The following GRIA3 variants were observed in gnomAD, a reference collection of about 807,000 sequenced individuals.
The protein encoded by GRIA3 is glutamate ionotropic receptor AMPA type subunit 3.
A neutral mutation model predicts 63.0 loss-of-function variants in GRIA3; 3 were observed. The observed-to-expected ratio is 0.05, with a 90% CI of 0.02 to 0.12. The LOEUF is 0.12. Ranked by LOEUF, GRIA3 falls within the 10% of genes least tolerant of loss-of-function variation. GRIA3 has a pLI of 1.00. For missense variants in GRIA3, 347 were observed against 700.9 expected (o/e 0.50, Z 5.70); for synonymous variants, 274 against 257.9 (o/e 1.06, Z -0.60).
chrX:123,459,630 T>C (rs928561481), intron 12 of GRIA3, among the ~76,000 whole-genome samples: 1 of 111,483 alleles, frequency 9.0e-6, no homozygotes, highest in Non-Finnish European at 1.9e-5. Flanking sequence ...TTTATAACCA[T>C]TGTTTGTTCC....
chrX:123,396,771 T>A (rs1230275108), intron 6 of GRIA3, among the ~76,000 whole-genome samples: 1 of 112,304 alleles, frequency 8.9e-6, no homozygotes, highest in Non-Finnish European at 1.9e-5. Context: ...GATAAAAATA[T>A]CAAAAGCATA....
intron 2 of GRIA3, among the ~76,000 whole-genome samples, chrX:123,217,925 A>G (rs1220441174): frequency 8.9e-6 from 1 of 112,643 alleles, no homozygotes; most frequent in Non-Finnish European, 1.9e-5. Flanking sequence ...CCCCAAGATA[A>G]AAGAGCTTCA....
At chrX:123,453,187 T>G (rs1022243567) in intron 12 of GRIA3, among the ~76,000 whole-genome samples, 1 of 111,848 alleles carries the variant, frequency 8.9e-6, no homozygotes, top group African/African-American at 3.3e-5. Flanking sequence ...GTGGCACATA[T>G]ACACCATGGA....
intron 2 of GRIA3, among the ~76,000 whole-genome samples, chrX:123,218,775 A>T (rs1413697676): frequency 1.8e-5 from 2 of 110,477 alleles, no homozygotes; most frequent in Non-Finnish European, 3.8e-5. Flanking sequence ...TATCATTGGG[A>T]CCCATTTTTT....
At chrX:123,210,800 T>G (rs1928023494) in intron 2 of GRIA3, among the ~76,000 whole-genome samples, 1 of 112,079 alleles carries the variant, frequency 8.9e-6, no homozygotes, top group African/African-American at 3.2e-5. Context: ...CTTTTCTTCT[T>G]TATCTAAGAC....
At chrX:123,277,508 C>T (rs756962692) in intron 3 of GRIA3, among the ~76,000 whole-genome samples, 25 of 111,083 alleles carry the variant, frequency 2.3e-4, no homozygotes, top group Non-Finnish European at 5.7e-5. Context: ...GTAGGAAGGA[C>T]ACAATGGATT....
chrX:123,403,828 G>A (rs919235156), intron 9 of GRIA3, among the ~76,000 whole-genome samples: 1 of 111,399 alleles, frequency 9.0e-6, no homozygotes, highest in Non-Finnish European at 1.9e-5. Context: ...CTTCATTGTG[G>A]GGGAAGCAGC....
chrX:123,471,990 CATAT>C lies in GRIA3; in HGVS notation c.2324+6907_2324+6910del, dbSNP rs760824587. ...AATATATACCTAAGGCAATGGCATT[CATAT>C]ATATATATATATATATATATATATA... On this transcript the variant is annotated intron_variant, in intron 13 of 15. Coordinates refer to ENST00000620443, the MANE Select transcript of GRIA3 (RefSeq NM_007325.5). 3.1e-3 allele frequency among the ~76,000 whole-genome samples: 41 copies of C among 13,413 alleles called. 3 individuals carry two copies. The highest frequency in any genetic ancestry group is 0.012 in the South Asian group (1 of 86). The allele number at this position is 13,413 out of a possible 115,157, so 11.6% of individuals were successfully genotyped here.
intron 2 of GRIA3, among the ~76,000 whole-genome samples, chrX:123,191,348 A>C (rs1927429644): frequency 8.9e-6 from 1 of 111,883 alleles, no homozygotes; most frequent in Non-Finnish European, 1.9e-5. Context: ...CTTCAGCAGC[A>C]CTGTGGGAGT....
At chrX:123,471,812 C>T (rs1396629874) in intron 13 of GRIA3, among the ~76,000 whole-genome samples, 1 of 105,305 alleles carries the variant, frequency 9.5e-6, no homozygotes, top group Non-Finnish European at 2.0e-5. Context: ...AATTGAATTC[C>T]ATTCTCTTTT....
chrX:123,441,569 A>C (rs910152292), intron 12 of GRIA3, among the ~76,000 whole-genome samples: 5 of 111,068 alleles, frequency 4.5e-5, no homozygotes, highest in African/African-American at 1.6e-4. Context: ...GAGCTTCGGG[A>C]ATCAATGTTG....
intron 3 of GRIA3, among the ~76,000 whole-genome samples, chrX:123,307,295 A>T (rs911968072): frequency 5.4e-5 from 6 of 112,018 alleles, no homozygotes; most frequent in African/African-American, 1.9e-4. Context: ...GCACAGCTCC[A>T]TAACACTTGC....
chrX:123,324,300 A>G (rs949570644), intron 3 of GRIA3, among the ~76,000 whole-genome samples: 1 of 112,092 alleles, frequency 8.9e-6, no homozygotes, highest in Non-Finnish European at 1.9e-5. Context: ...TATATTAAAG[A>G]CTCTGTCCAC....
intron 5 of GRIA3, among the ~76,000 whole-genome samples, chrX:123,379,242 C>G (rs771115317): frequency 8.9e-6 from 1 of 111,789 alleles, no homozygotes; most frequent in East Asian, 2.8e-4. Flanking sequence ...TTTTTATATA[C>G]TCTATGTTTT....
intron 2 of GRIA3, among the ~76,000 whole-genome samples, chrX:123,213,424 A>G (rs1280032638): frequency 8.9e-6 from 1 of 112,242 alleles, no homozygotes; most frequent in Non-Finnish European, 1.9e-5. Context: ...AACATATTGT[A>G]CAGATGAAGG....
intron 3 of GRIA3, among the ~76,000 whole-genome samples, chrX:123,307,098 C>G (rs994597842): frequency 1.8e-5 from 2 of 111,805 alleles, no homozygotes; most frequent in African/African-American, 6.5e-5. Context: ...TAAAATGGCA[C>G]AGGAGACTGT....
chrX:123,360,567 G>A (rs1238308269), intron 5 of GRIA3, among the ~76,000 whole-genome samples: 1 of 99,386 alleles, frequency 1.0e-5, no homozygotes, highest in Non-Finnish European at 2.0e-5. Context: ...ATGGTGGCAT[G>A]TGCCTGTAGT....
chrX:123,305,421 G>A (rs778714515), intron 3 of GRIA3, among the ~76,000 whole-genome samples: 33 of 112,150 alleles, frequency 2.9e-4, no homozygotes, highest in Middle Eastern at 4.6e-3. Flanking sequence ...ATCTGTATAT[G>A]TTCTATATCT....
At chrX:123,473,708 T>C (rs909569553) in intron 13 of GRIA3, among the ~76,000 whole-genome samples, 2 of 112,115 alleles carry the variant, frequency 1.8e-5, no homozygotes, top group Admixed American at 9.5e-5. Context: ...GTTAGTAACT[T>C]AGAGCAAGGG....
Sources: allele counts gnomAD v4.1 joint callset (sites outside exome capture counted in the v4.1 genomes callset), GRCh38; gene constraint gnomAD v4.1.1; transcripts MANE v1.5; gene names NCBI Gene and HGNC (gene_info 2026-07-23, HGNC 2026-07-21).